The following PRKCA variants were observed in gnomAD, a reference collection of about 807,000 sequenced individuals.
The protein encoded by PRKCA is protein kinase C alpha.
A neutral mutation model predicts 87.0 loss-of-function variants in PRKCA; 27 were observed. That is an observed-to-expected ratio of 0.31 (90% CI 0.23 to 0.43). PRKCA has a LOEUF of 0.43. Among genes scored for constraint, PRKCA ranks in the 20% least tolerant of loss-of-function variants. PRKCA has a pLI of 1.00. For synonymous variants in PRKCA, 329 were observed against 311.1 expected, an observed-to-expected ratio of 1.06 and a Z score of -0.61; for missense variants, 518 against 852.3, an observed-to-expected ratio of 0.61 and a Z score of 4.88.
In PRKCA at chr17:66,356,356, G is replaced by A. The variant is rs141585474; in HGVS notation, c.205+50229G>A. Among the ~76,000 whole-genome samples, 47 of 152,096 alleles carry A rather than the reference G, an allele frequency of 3.1e-4. 1 individual carries two copies. In the East Asian group the frequency reaches 7.6e-3, roughly 24 times the overall value. ...ATTTGCATAACAAAACACCATATAG[G>A]CCGGCACGGTGGCTCACGCCTGTAA... On this transcript the variant is annotated intron_variant, in intron 2 of 16. Coordinates refer to ENST00000413366, the MANE Select transcript of PRKCA (RefSeq NM_002737.3).
In PRKCA at chr17:66,610,125, T is replaced by C. The variant is rs1970314313; in HGVS notation, c.289-31230T>C. Among the ~76,000 whole-genome samples, 3 of 152,198 alleles carry C rather than the reference T, an allele frequency of 2.0e-5. 1 individual carries two copies. Among genetic ancestry groups the C allele is most frequent in the African/African-American group, 7.2e-5 (3 of 41,444 alleles). On this transcript the variant is annotated intron_variant, in intron 3 of 16. Transcript: ENST00000413366. Reference sequence around the variant, plus strand: ...AGCTGATGTCCAATTTAGCTACAAATTGACCCCCTTTTAGGGTTCTCTTGT... The same window carrying C: ...AGCTGATGTCCAATTTAGCTACAAACTGACCCCCTTTTAGGGTTCTCTTGT...
chr17:66,307,620 G>A (rs1904889282), intron 2 of PRKCA, among the ~76,000 whole-genome samples: 1 of 152,120 alleles, frequency 6.6e-6, no homozygotes, highest in Non-Finnish European at 1.5e-5. Context: ...ATTAGAATAA[G>A]GTTGGTTCCT....
At chr17:66,678,259 G>A (rs1252799185) in intron 5 of PRKCA, among the ~76,000 whole-genome samples, 2 of 152,168 alleles carry the variant, frequency 1.3e-5, no homozygotes, top group East Asian at 1.9e-4. Flanking sequence ...GGCCTGGAGT[G>A]GATTTTCCTC....
At chr17:66,638,599 A>C (rs1971207914) in intron 3 of PRKCA, among the ~76,000 whole-genome samples, 1 of 152,174 alleles carries the variant, frequency 6.6e-6, no homozygotes, top group African/African-American at 2.4e-5. Context: ...TCATAGGCCA[A>C]ATGCTTTGGG....
chr17:66,459,431 C>T (rs1391980797), intron 2 of PRKCA, among the ~76,000 whole-genome samples: 3 of 152,202 alleles, frequency 2.0e-5, no homozygotes, highest in South Asian at 4.1e-4. Flanking sequence ...ATTAGATTCT[C>T]TACCTCCGTT....
At position 66,788,862 on chromosome 17, in the gene PRKCA, G is replaced by C. The variant is rs752683507; in HGVS notation, c.1737G>C (p.Lys579Asn). ...CKGLMTKHPA[K>N]RLGCGPEGER... ...AGCTGATGACCAAACACCCAGCCAA[G>C]CGGCTGGGCTGTGGGCCTGAGGGGG... Residue 579 changes from lysine (K) to asparagine (N), a missense_variant, in exon 16 of 17, where the codon AAG (lysine) becomes AAC (asparagine). Physicochemically the swap from Lys to Asn is moderately conservative, Grantham distance 94 (BLOSUM62 0). Around this residue, in one of 5 missense-constraint regions of PRKCA, gnomAD observed 159 missense variants for 232.4 expected, o/e 0.68. Transcript: ENST00000413366. 6.2e-7 allele frequency: 1 copy of C among 1,613,018 alleles called. No individual in the cohort carries two copies. The highest frequency in any genetic ancestry group is 1.1e-5 in the South Asian group (1 of 91,052).
chr17:66,609,003 T>C (rs931375529), intron 3 of PRKCA, among the ~76,000 whole-genome samples: 3 of 152,204 alleles, frequency 2.0e-5, no homozygotes, highest in African/African-American at 7.2e-5. Flanking sequence ...AACGAGGCCA[T>C]GCAGTTTGCG....
intron 10 of PRKCA, among the ~76,000 whole-genome samples, chr17:66,736,301 G>A (rs988838794): frequency 8.1e-5 from 12 of 147,452 alleles, no homozygotes; most frequent in Admixed American, 3.4e-4. Context: ...TTTTTGAGAC[G>A]GAGTCACTCT....
intron 2 of PRKCA, among the ~76,000 whole-genome samples, chr17:66,476,755 C>T (rs141237643): frequency 2.0e-5 from 3 of 152,298 alleles, no homozygotes; most frequent in East Asian, 1.9e-4. Context: ...TTTAAAAATA[C>T]GCCACATTTC....
chr17:66,662,165 A>G (rs1971924524), intron 5 of PRKCA, among the ~76,000 whole-genome samples: 1 of 152,166 alleles, frequency 6.6e-6, no homozygotes, highest in Non-Finnish European at 1.5e-5. Flanking sequence ...AGGTCAGGAA[A>G]CTGATGTGTC....
At chr17:66,711,300 T>G (rs549828191) in intron 8 of PRKCA, among the ~76,000 whole-genome samples, 8 of 152,370 alleles carry the variant, frequency 5.3e-5, no homozygotes, top group Admixed American at 2.6e-4. Context: ...GTATTTACAC[T>G]ACATGAGTGT....
chr17:66,374,344 C>T (rs576758729), intron 2 of PRKCA, among the ~76,000 whole-genome samples: 29 of 152,252 alleles, frequency 1.9e-4, no homozygotes, highest in Admixed American at 9.2e-4. Context: ...GGTGGGGGAG[C>T]GCTGGGGTGT....
chr17:66,641,021 C>T (rs532657180), intron 3 of PRKCA: 4 of 303,892 alleles, frequency 1.3e-5, no homozygotes, highest in South Asian at 8.9e-5. Context: ...ATACCCACAT[C>T]GTGGTGGATG....
At chr17:66,478,335 A>G (rs570168217) in intron 2 of PRKCA, among the ~76,000 whole-genome samples, 8 of 151,946 alleles carry the variant, frequency 5.3e-5, no homozygotes, top group African/African-American at 1.7e-4. Flanking sequence ...GCTCACCGCA[A>G]TCTCCGCCTT....
At chr17:66,587,926 T>C (rs1969672981) in intron 3 of PRKCA, among the ~76,000 whole-genome samples, 2 of 128,066 alleles carry the variant, frequency 1.6e-5, no homozygotes, top group African/African-American at 6.5e-5. Flanking sequence ...TATATATATA[T>C]ATATATCCTG....
chr17:66,358,887 T>G (rs551912047), intron 2 of PRKCA, among the ~76,000 whole-genome samples: 1 of 151,914 alleles, frequency 6.6e-6, no homozygotes, highest in Non-Finnish European at 1.5e-5. Context: ...CTTTGAGGAG[T>G]TGGAAATAAA....
At chr17:66,638,746 G>C (rs991897594) in intron 3 of PRKCA, among the ~76,000 whole-genome samples, 4 of 152,098 alleles carry the variant, frequency 2.6e-5, no homozygotes, top group East Asian at 3.9e-4. Flanking sequence ...TACTCGGGGG[G>C]CTGAGGCAGG....
chr17:66,672,307 T>C (rs1332730843), intron 5 of PRKCA, among the ~76,000 whole-genome samples: 1 of 152,162 alleles, frequency 6.6e-6, no homozygotes, highest in Non-Finnish European at 1.5e-5. Context: ...AATAAGGAGT[T>C]AAGTCAGGCA....
chr17:66,513,807 G>A (rs890949081), intron 3 of PRKCA, among the ~76,000 whole-genome samples: 23 of 152,216 alleles, frequency 1.5e-4, no homozygotes, highest in African/African-American at 5.3e-4. Context: ...TTATTGCCAT[G>A]ATTGTCACTA....
Sources: allele counts gnomAD v4.1 joint callset (sites outside exome capture counted in the v4.1 genomes callset), GRCh38; gene constraint gnomAD v4.1.1; regional missense constraint gnomAD v4.1.1; transcripts MANE v1.5; gene names NCBI Gene and HGNC (gene_info 2026-07-23, HGNC 2026-07-21).